The following HS3ST4 variants were observed in gnomAD, a reference collection of about 807,000 sequenced individuals.
HS3ST4 encodes heparan sulfate-glucosamine 3-sulfotransferase 4.
In HS3ST4, 17 loss-of-function variants were observed where a neutral mutation model predicts 29.2. That is an observed-to-expected ratio of 0.58 (90% CI 0.40 to 0.87). The LOEUF (loss-of-function observed/expected upper bound fraction) is 0.87. HS3ST4 is among the 40% of genes least tolerant of loss of function. The probability of loss-of-function intolerance (pLI) is 0.00; values close to 1 mark genes in which losing one functional copy is unlikely to be tolerated. For synonymous variants in HS3ST4, 314 were observed against 285.7 expected (o/e 1.10, Z -1.00); for missense variants, 627 against 634.5 (o/e 0.99, Z 0.13).
intron 1 of HS3ST4, among the ~76,000 whole-genome samples, chr16:25,975,176 A>G (rs528270225): frequency 4.1e-4 from 63 of 152,204 alleles, no homozygotes; most frequent in African/African-American, 1.5e-3. Context: ...GATCCCATGC[A>G]AATTCATGCA....
chr16:26,015,976 G>A (rs186054166), intron 1 of HS3ST4, among the ~76,000 whole-genome samples: 170 of 152,180 alleles, frequency 1.1e-3, no homozygotes, highest in Non-Finnish European at 1.7e-3. Context: ...AGTGGATGAC[G>A]TCAGAGATGC....
intron 1 of HS3ST4, among the ~76,000 whole-genome samples, chr16:25,891,789 A>G (rs1375661431): frequency 6.6e-6 from 1 of 152,178 alleles, no homozygotes; most frequent in Non-Finnish European, 1.5e-5. Flanking sequence ...TGAAATTATT[A>G]TGATAGTGTT....
chr16:25,721,959 G>A (rs562913380), intron 1 of HS3ST4, among the ~76,000 whole-genome samples: 19 of 152,254 alleles, frequency 1.2e-4, no homozygotes, highest in Admixed American at 7.2e-4. Context: ...GATGTGGGGA[G>A]GCTTTTATAC....
At chr16:26,098,284 C>T (rs1898951995) in intron 1 of HS3ST4, among the ~76,000 whole-genome samples, 1 of 152,168 alleles carries the variant, frequency 6.6e-6, no homozygotes, top group African/African-American at 2.4e-5. Flanking sequence ...CATATGCACC[C>T]ATATGTTTAT....
chr16:25,782,635 TAGA>T (rs1449458148), intron 1 of HS3ST4, among the ~76,000 whole-genome samples: 2 of 152,226 alleles, frequency 1.3e-5, no homozygotes, highest in Non-Finnish European at 2.9e-5. Context: ...AAGGCAGTTC[TAGA>T]TTAGTTAAAG....
intron 1 of HS3ST4, among the ~76,000 whole-genome samples, chr16:26,092,231 C>T (rs1898866114): frequency 6.6e-6 from 1 of 152,054 alleles, no homozygotes; most frequent in Non-Finnish European, 1.5e-5. Context: ...CTTCTCTGGG[C>T]AGAAAAAAAC....
chr16:26,133,957 A>G (rs575080293), intron 1 of HS3ST4, among the ~76,000 whole-genome samples: 11 of 152,344 alleles, frequency 7.2e-5, no homozygotes, highest in Admixed American at 4.6e-4. Context: ...GGTATTGAAC[A>G]GGTTTATCTT....
At chr16:26,095,133 A>G (rs1188888200) in intron 1 of HS3ST4, among the ~76,000 whole-genome samples, 1 of 152,218 alleles carries the variant, frequency 6.6e-6, no homozygotes, top group Non-Finnish European at 1.5e-5. Flanking sequence ...TTAGAGACCT[A>G]CAAAGATACT....
At chr16:25,782,246 C>T (rs1287720408) in intron 1 of HS3ST4, among the ~76,000 whole-genome samples, 22 of 152,196 alleles carry the variant, frequency 1.4e-4, no homozygotes, top group Non-Finnish European at 1.2e-4. Flanking sequence ...AGGTTCCTCC[C>T]TTAACACCTG....
chr16:25,972,770 G>A (rs1264746145), intron 1 of HS3ST4, among the ~76,000 whole-genome samples: 1 of 152,184 alleles, frequency 6.6e-6, no homozygotes, highest in African/African-American at 2.4e-5. Context: ...GTGTGAATGC[G>A]AAGAGGGAGG....
At chr16:25,794,703 A>G (rs1966878057) in intron 1 of HS3ST4, among the ~76,000 whole-genome samples, 1 of 151,898 alleles carries the variant, frequency 6.6e-6, no homozygotes, top group Admixed American at 6.6e-5. Flanking sequence ...CAGTTTATCT[A>G]TGAGGTATTT....
At chr16:26,019,166 C>T (rs1354403330) in intron 1 of HS3ST4, among the ~76,000 whole-genome samples, 2 of 152,110 alleles carry the variant, frequency 1.3e-5, no homozygotes, top group Non-Finnish European at 2.9e-5. Flanking sequence ...TCCACCCCCT[C>T]AATCAATCCC....
chr16:25,824,798 C>T (rs1967199721), intron 1 of HS3ST4: 1 of 152,182 alleles, frequency 6.6e-6, no homozygotes, highest in Admixed American at 6.5e-5. Context: ...ATGGAGATGA[C>T]TATCAAGTCA....
chr16:25,860,586 T>C (rs1232335274), intron 1 of HS3ST4, among the ~76,000 whole-genome samples: 1 of 152,084 alleles, frequency 6.6e-6, no homozygotes, highest in Non-Finnish European at 1.5e-5. Flanking sequence ...GAAGGAACCT[T>C]AAATGCATAT....
chr16:25,704,234 C>CT (rs1204068519), intron 1 of HS3ST4, among the ~76,000 whole-genome samples: 1 of 152,146 alleles, frequency 6.6e-6, no homozygotes, highest in African/African-American at 2.4e-5. Context: ...TTCACATACT[C>CT]TTTTTTTGCA....
chr16:25,930,625 G>A (rs926987976), intron 1 of HS3ST4, among the ~76,000 whole-genome samples: 2 of 152,106 alleles, frequency 1.3e-5, no homozygotes, highest in African/African-American at 2.4e-5. Flanking sequence ...GTCTGACTGC[G>A]ACCAAGAGGA....
In HS3ST4 at chr16:25,750,207, C is replaced by G. The variant is rs1567232510; in HGVS notation, c.734+57056C>G. The stretch of plus-strand genomic sequence containing the variant: ...TGATTGGCGTTTCTACATATGGCCT[C>G]TCCATATGGCTTGGGCTTCCTCACA... On this transcript the variant is annotated intron_variant, in intron 1 of 1. Transcript: ENST00000331351. Among the ~76,000 whole-genome samples the G allele has an allele frequency of 2.0e-5, 3 of 152,272 alleles. No individual in the cohort carries two copies. In the East Asian group the frequency reaches 5.8e-4, roughly 29 times the overall value.
chr16:26,053,885 C>T (rs2141767175), intron 1 of HS3ST4, among the ~76,000 whole-genome samples: 1 of 152,140 alleles, frequency 6.6e-6, no homozygotes, highest in East Asian at 1.9e-4. Context: ...TAATTTCTCA[C>T]TCATAAAACA....
chr16:25,830,517 A>C (rs57820391), intron 1 of HS3ST4, among the ~76,000 whole-genome samples: 10,732 of 152,106 alleles, frequency 0.071, 1,257 homozygotes, highest in African/African-American at 0.24. Context: ...TACTTCTCTG[A>C]GTTTGTCCTT....
Sources: gnomAD v4.1 joint callset for allele counts (sites outside exome capture counted in the v4.1 genomes callset) on GRCh38, gnomAD v4.1.1 for gene constraint, MANE v1.5 for transcripts, NCBI Gene and HGNC (gene_info 2026-07-23, HGNC 2026-07-21) for gene names.